GNL3L: variants seen among roughly 807,000 people sequenced by gnomAD.
GNL3L encodes the protein G protein nucleolar 3 like.
A neutral mutation model predicts 42.9 loss-of-function variants in GNL3L; 4 were observed. That is an observed-to-expected ratio of 0.09 (90% confidence interval 0.05 to 0.21). GNL3L has a LOEUF of 0.21. Ranked by LOEUF, GNL3L falls within the 10% of genes least tolerant of loss-of-function variation. The pLI, the probability that GNL3L is intolerant of heterozygous loss-of-function variation, is 1.00. For synonymous variants in GNL3L, 159 were observed against 176.3 expected, an observed-to-expected ratio of 0.90 and a Z score of 0.78; for missense variants, 412 against 481.7, an observed-to-expected ratio of 0.86 and a Z score of 1.36.
chrX:54,550,925 G>A, intron 9 of GNL3L, 38 bp from the exon 10 acceptor site: 1 of 719,716 alleles, frequency 1.4e-6, no homozygotes, highest in East Asian at 3.2e-5. Context: ...GTTCCTGAGG[G>A]CCTCTTCTGC....
In GNL3L at chrX:54,563,512, G is replaced by A. The variant is rs1200601123; in HGVS notation, c.*2910G>A. ...GAATTTGGGACTGCAGGCCAGTTAC[G>A]ATAGCTCTCACCTGTAATCCCAGCA... On this transcript the variant is annotated 3_prime_UTR_variant, in exon 16 of 16. Coordinates refer to ENST00000360845, the MANE Select transcript of GNL3L (RefSeq NM_001184819.2). 1.8e-5 allele frequency among the ~76,000 whole-genome samples: 2 copies of A among 111,685 alleles called. No homozygotes were observed. The highest frequency in any genetic ancestry group is 3.8e-5 in the Non-Finnish European group (2 of 53,175).
chrX:54,631,819 C>T, the GNL3L span, among the ~76,000 whole-genome samples: 2 of 111,033 alleles, frequency 1.8e-5, no homozygotes, highest in Admixed American at 9.6e-5. Flanking sequence ...TGTTGTTGCC[C>T]GAATATCTTG....
intron 16 of GNL3L, among the ~76,000 whole-genome samples, chrX:54,579,678 C>G (rs1169028013): frequency 1.8e-5 from 2 of 112,491 alleles, no homozygotes; most frequent in Non-Finnish European, 3.8e-5. Context: ...GGATTATAGG[C>G]ATCAGCCTCT....
chrX:54,552,503 T>C, intron 13 of GNL3L, 75 bp downstream of exon 13: 1 of 985,304 alleles, frequency 1.0e-6, no homozygotes, highest in Non-Finnish European at 1.4e-6. Flanking sequence ...AATCCCACTT[T>C]TGACCTCCCG....
chrX:54,631,887 G>C, the GNL3L span, among the ~76,000 whole-genome samples: 1 of 106,863 alleles, frequency 9.4e-6, no homozygotes, highest in African/African-American at 3.8e-5. Context: ...GCTTTAAGGA[G>C]GTTCTATTTT....
intron 2 of GNL3L, 82 bp from the exon 3 acceptor site, chrX:54,538,958 T>C (rs1924527663): frequency 3.6e-6 from 2 of 558,423 alleles, no homozygotes; most frequent in Non-Finnish European, 5.7e-6. Context: ...AGGTTCCCAG[T>C]GTGGCCTGGC....
chrX:54,577,755 T>G (rs1925655445), intron 16 of GNL3L, among the ~76,000 whole-genome samples: 1 of 111,165 alleles, frequency 9.0e-6, no homozygotes, highest in Non-Finnish European at 1.9e-5. Context: ...TTCCCTTTTT[T>G]TTTTGGCAGG....
At chrX:54,582,475 G>A (rs181943981) in intron 16 of GNL3L, among the ~76,000 whole-genome samples, 2 of 112,547 alleles carry the variant, frequency 1.8e-5, no homozygotes, top group African/African-American at 3.2e-5. Flanking sequence ...CAATGTATGA[G>A]TGATACAGTT....
intron 16 of GNL3L, among the ~76,000 whole-genome samples, chrX:54,587,703 C>T (rs1391849774): frequency 9.6e-6 from 1 of 104,572 alleles, no homozygotes; most frequent in Non-Finnish European, 1.9e-5. Flanking sequence ...TCTTTTTAGA[C>T]GGAGTCTCAC....
chrX:54,627,885 G>T, the GNL3L span, among the ~76,000 whole-genome samples: 1 of 110,518 alleles, frequency 9.0e-6, no homozygotes, highest in Non-Finnish European at 1.9e-5. Flanking sequence ...TGGTGTTACA[G>T]GTGGGGTTTG....
Position 54,542,108 on chromosome X carries a change from T to C in GNL3L, c.306+719T>C, listed in dbSNP as rs149565726. On this transcript the variant is annotated intron_variant, in intron 5 of 15. Transcript: ENST00000360845. Reference sequence around the variant, plus strand: ...CTCACATGATTTATTTTTTAAATTATTATTTTACTTTAAGTTCTAGGGTAC... The same window carrying C: ...CTCACATGATTTATTTTTTAAATTACTATTTTACTTTAAGTTCTAGGGTAC... Among the ~76,000 whole-genome samples, 497 of 112,335 alleles carry C rather than the reference T, an allele frequency of 4.4e-3. 3 individuals carry two copies. The highest frequency in any genetic ancestry group is 0.015 in the African/African-American group (469 of 30,967).
Position 54,563,818 on chromosome X carries a change from T to A in GNL3L, c.*3216T>A, listed in dbSNP as rs751598735. ...AAAAAAGAGGAAAACAAAAAAGACG[T>A]TGGGAGTGCAGTTTCTCTACCTACA... On this transcript the variant is annotated 3_prime_UTR_variant, in exon 16 of 16. Coordinates refer to ENST00000360845, the MANE Select transcript of GNL3L (RefSeq NM_001184819.2). 9.0e-6 allele frequency among the ~76,000 whole-genome samples: 1 copy of A among 111,032 alleles called. No homozygotes were observed. Among genetic ancestry groups the A allele is most frequent in the South Asian group, 3.8e-4 (1 of 2,620 alleles).
At chrX:54,611,145 C>T (rs1926157867) in intron 16 of GNL3L, among the ~76,000 whole-genome samples, 1 of 111,143 alleles carries the variant, frequency 9.0e-6, no homozygotes, top group African/African-American at 3.3e-5. Flanking sequence ...AAGGTGTGTT[C>T]ATAGTACCCT....
At chrX:54,597,577 G>A (rs941011985) in intron 16 of GNL3L, among the ~76,000 whole-genome samples, 5 of 110,580 alleles carry the variant, frequency 4.5e-5, no homozygotes, top group African/African-American at 1.3e-4. Context: ...GTGCCCCCCC[G>A]CCCCAATCCC....
the GNL3L span, among the ~76,000 whole-genome samples, chrX:54,637,693 A>T: frequency 3.6e-5 from 4 of 112,671 alleles, no homozygotes; most frequent in African/African-American, 1.3e-4. Context: ...TGCAAAAGAT[A>T]TGTATAAATC....
intron 14 of GNL3L, among the ~76,000 whole-genome samples, chrX:54,555,834 A>G (rs1337574851): frequency 2.8e-5 from 3 of 107,054 alleles, no homozygotes; most frequent in Non-Finnish European, 3.9e-5. Context: ...CCCTGCTTAA[A>G]CTGATTTCAT....
chrX:54,632,698 G>A, the GNL3L span, among the ~76,000 whole-genome samples: 4 of 111,012 alleles, frequency 3.6e-5, no homozygotes, highest in Admixed American at 1.9e-4. Flanking sequence ...CTTTAAATCC[G>A]TTTTCACTTT....
chrX:54,550,205 CGAGAGAGAGAGA>C (rs58576849), intron 9 of GNL3L, among the ~76,000 whole-genome samples: 9 of 91,146 alleles, frequency 9.9e-5, no homozygotes, highest in East Asian at 7.4e-4. Context: ...TGGGAATGAC[CGAGAGAGAGAGA>C]GAGAGAGAGA....
chrX:54,606,685 G>A (rs1415511407), intron 16 of GNL3L, among the ~76,000 whole-genome samples: 1 of 104,612 alleles, frequency 9.6e-6, no homozygotes, highest in Non-Finnish European at 2.0e-5. Context: ...CTGTCTCCCA[G>A]TATGGAATGT....
Sources: allele counts gnomAD v4.1 joint callset (sites outside exome capture counted in the v4.1 genomes callset), GRCh38; gene constraint gnomAD v4.1.1; transcripts MANE v1.5; gene names NCBI Gene and HGNC (gene_info 2026-07-23, HGNC 2026-07-21).